CDKAL1: variants seen among roughly 807,000 people sequenced by gnomAD.
CDKAL1 encodes the protein threonylcarbamoyladenosine tRNA methylthiotransferase.
In CDKAL1, 32 loss-of-function variants were observed where a neutral mutation model predicts 68.2. The ratio of observed to expected loss-of-function variants is 0.47; its 90% CI spans 0.35 to 0.63. CDKAL1 has a LOEUF of 0.63. Ranked by LOEUF, CDKAL1 falls within the 30% of genes least tolerant of loss-of-function variation. The probability of loss-of-function intolerance (pLI) is 0.00; values close to 1 mark genes in which losing one functional copy is unlikely to be tolerated. For missense variants in CDKAL1, 606 were observed against 696.7 expected (o/e 0.87, Z 1.47); for synonymous variants, 234 against 244.3 (o/e 0.96, Z 0.39).
intron 5 of CDKAL1, among the ~76,000 whole-genome samples, chr6:20,676,304 C>G (rs1420718597): frequency 6.6e-6 from 1 of 152,136 alleles, no homozygotes; most frequent in African/African-American, 2.4e-5. Context: ...CACTCACCCA[C>G]TGACTCACGC....
intron 9 of CDKAL1, among the ~76,000 whole-genome samples, chr6:20,879,079 A>G (rs1200633263): frequency 6.6e-6 from 1 of 151,792 alleles, no homozygotes; most frequent in Non-Finnish European, 1.5e-5. Context: ...ATTCTATCTC[A>G]TTAAAAAAAA....
chr6:20,856,582 C>G (rs537581904), intron 9 of CDKAL1, among the ~76,000 whole-genome samples: 1 of 152,298 alleles, frequency 6.6e-6, no homozygotes, highest in Non-Finnish European at 1.5e-5. Context: ...GTATGTCCAC[C>G]TAGTTCCACA....
intron 15 of CDKAL1, among the ~76,000 whole-genome samples, chr6:21,219,632 A>G (rs1378644131): frequency 6.6e-6 from 1 of 152,174 alleles, no homozygotes; most frequent in Non-Finnish European, 1.5e-5. Flanking sequence ...CGTCTCCTTT[A>G]TTCGTTTTAT....
rs1402113263 is a variant in CDKAL1, at chr6:20,784,408, A to ATTTTTTTTT, written c.638+3146_638+3147insTTTTTTTTT. ...GTGTTTTTTTTCTTCCAGATATTTT[A>ATTTTTTTTT]TTTCTTTTTTTTTTTTTTTTTTTTT... is the stretch of plus-strand genomic sequence containing the variant. On this transcript the variant is annotated intron_variant, in intron 8 of 15. Coordinates refer to ENST00000274695, the MANE Select transcript of CDKAL1 (RefSeq NM_017774.3). Among the ~76,000 whole-genome samples the ATTTTTTTTT allele has an allele frequency of 1.3e-3, 30 of 22,976 alleles. 1 individual carries two copies. Among genetic ancestry groups the ATTTTTTTTT allele is most frequent in the Non-Finnish European group, 1.7e-3 (19 of 10,988 alleles). The allele number at this position is 22,976 out of a possible 152,430, so 15.1% of individuals were successfully genotyped here. A position where few individuals can be genotyped will look rare whatever the true frequency, so the allele number is the denominator to read the frequency against.
chr6:20,910,403 C>T (rs1762416357), intron 9 of CDKAL1, among the ~76,000 whole-genome samples: 1 of 152,180 alleles, frequency 6.6e-6, no homozygotes, highest in African/African-American at 2.4e-5. Flanking sequence ...TATGCCTAGG[C>T]TGAAAATAGT....
chr6:21,011,781 C>T (rs954699110), intron 11 of CDKAL1, among the ~76,000 whole-genome samples: 1 of 152,076 alleles, frequency 6.6e-6, no homozygotes, highest in African/African-American at 2.4e-5. Flanking sequence ...CACAATTATA[C>T]TTTATAGGTT....
intron 9 of CDKAL1, among the ~76,000 whole-genome samples, chr6:20,902,047 A>C (rs1762012283): frequency 6.6e-6 from 1 of 151,692 alleles, no homozygotes; most frequent in African/African-American, 2.4e-5. Context: ...CTAGTTTCTT[A>C]TCTTTCAGCT....
chr6:20,826,397 T>C (rs1777503541), intron 8 of CDKAL1, among the ~76,000 whole-genome samples: 1 of 152,186 alleles, frequency 6.6e-6, no homozygotes, highest in African/African-American at 2.4e-5. Context: ...AAAGTTGCTA[T>C]TTTCAGGTGT....
intron 8 of CDKAL1, among the ~76,000 whole-genome samples, chr6:20,844,158 C>T (rs2150490630): frequency 6.6e-6 from 1 of 152,270 alleles, no homozygotes; most frequent in East Asian, 1.9e-4. Context: ...AGGTTTAGGA[C>T]ACTGGATGGA....
chr6:20,728,258 GTATCTAAGC>G (rs1174876491), intron 5 of CDKAL1, among the ~76,000 whole-genome samples: 1 of 152,062 alleles, frequency 6.6e-6, no homozygotes, highest in Non-Finnish European at 1.5e-5. Flanking sequence ...TATCTGACAG[GTATCTAAGC>G]TTATATTGTA....
Position 21,011,287 on chromosome 6 carries a change from T to G in CDKAL1, c.1055+10915T>G, listed in dbSNP as rs1233190756. The stretch of plus-strand genomic sequence containing the variant: ...TAGTCCCAGCTACTCGGGAGGCTGA[T>G]GCAGGAGAATGGTGTGAACCCGGGA... On this transcript the variant is annotated intron_variant, in intron 11 of 15. Transcript: ENST00000274695. Among the ~76,000 whole-genome samples the G allele has an allele frequency of 3.6e-3, 457 of 127,304 alleles. No homozygotes were observed. The Middle Eastern group carries it at 0.048, about 13-fold the overall frequency. The allele number at this position is 127,304 out of a possible 152,430, so 83.5% of individuals were successfully genotyped here.
rs1375751747 is a variant in CDKAL1 at position 21,080,009 on chromosome 6, T to TGTGTGTGTGTGTGTGTGTGTGTGTGTGTG, written c.1236+14781_1236+14782insGTGTGTGTGTGTGTGTGTGTGTGTGTGTG. On this transcript the variant is annotated intron_variant, in intron 12 of 15. Transcript: ENST00000274695. ...GTGTGTGTGTGTGTGTGTGTGTGTGTTTGAACCATGTAGAAAACTCTGGGC... is the reference window on the plus strand; with the variant it reads ...GTGTGTGTGTGTGTGTGTGTGTGTGTGTGTGTGTGTGTGTGTGTGTGTGTGTGTGTTGAACCATGTAGAAAACTCTGGGC... Among the ~76,000 whole-genome samples, 7 of 151,296 alleles carry TGTGTGTGTGTGTGTGTGTGTGTGTGTGTG rather than the reference T, an allele frequency of 4.6e-5. No individual in the cohort carries two copies. The East Asian group carries it at 5.8e-4, about 13-fold the overall frequency.
chr6:20,572,724 A>C (rs1235305184), intron 4 of CDKAL1, among the ~76,000 whole-genome samples: 1 of 152,178 alleles, frequency 6.6e-6, no homozygotes, highest in African/African-American at 2.4e-5. Context: ...TATTTTAAGC[A>C]AAATTATACT....
chr6:21,097,496 A>G (rs1773375553), intron 12 of CDKAL1, among the ~76,000 whole-genome samples: 2 of 152,014 alleles, frequency 1.3e-5, no homozygotes, highest in Non-Finnish European at 2.9e-5. Flanking sequence ...ACAAATACAA[A>G]AAAAAAAAAA....
chr6:20,973,228 T>C (rs1244112309), intron 10 of CDKAL1, among the ~76,000 whole-genome samples: 3 of 152,210 alleles, frequency 2.0e-5, no homozygotes, highest in African/African-American at 7.2e-5. Context: ...CTATAATTAT[T>C]ATCATTGTTA....
intron 4 of CDKAL1, among the ~76,000 whole-genome samples, chr6:20,644,403 C>T (rs182708371): frequency 1.1e-4 from 16 of 152,226 alleles, no homozygotes; most frequent in African/African-American, 1.9e-4. Context: ...CCTGGCCAGG[C>T]GTGGTGGCTC....
At chr6:20,849,323 C>T (rs1368978920) in intron 9 of CDKAL1, among the ~76,000 whole-genome samples, 2 of 152,008 alleles carry the variant, frequency 1.3e-5, no homozygotes, top group African/African-American at 4.8e-5. Flanking sequence ...GTGGCTCACG[C>T]CTGTAATCCC....
intron 13 of CDKAL1, among the ~76,000 whole-genome samples, chr6:21,161,029 C>T (rs570347442): frequency 6.6e-6 from 1 of 152,090 alleles, no homozygotes; most frequent in East Asian, 1.9e-4. Context: ...ATACAGGAAG[C>T]CCCTTTTGTT....
chr6:20,623,033 T>C (rs1767266498), intron 4 of CDKAL1, among the ~76,000 whole-genome samples: 1 of 152,144 alleles, frequency 6.6e-6, no homozygotes, highest in African/African-American at 2.4e-5. Context: ...ACTAATTATA[T>C]TGTTTTTGTA....
Sources: gnomAD v4.1 joint callset for allele counts (sites outside exome capture counted in the v4.1 genomes callset) on GRCh38, gnomAD v4.1.1 for gene constraint, MANE v1.5 for transcripts, NCBI Gene and HGNC (gene_info 2026-07-23, HGNC 2026-07-21) for gene names.